Variants in TYRO3 observed in about 807,000 individuals in gnomAD.
TYRO3 encodes the protein tyrosine-protein kinase receptor TYRO3.
A neutral mutation model predicts 95.2 loss-of-function variants in TYRO3; 38 were observed. That is an observed-to-expected ratio of 0.40 (90% confidence interval 0.31 to 0.52). The LOEUF (loss-of-function observed/expected upper bound fraction) is 0.52, where lower values mean the gene tolerates loss of function less well. Among genes scored for constraint, TYRO3 ranks in the 20% least tolerant of loss-of-function variants. The probability of loss-of-function intolerance (pLI) is 0.56; values close to 1 mark genes in which losing one functional copy is unlikely to be tolerated. For synonymous variants in TYRO3, 367 were observed against 432.9 expected (o/e 0.85, Z 1.89); for missense variants, 812 against 1,116.4 (o/e 0.73, Z 3.89).
chr15:41,559,999 C>T (rs1266496183), intron 1 of TYRO3, among the ~76,000 whole-genome samples: 1 of 152,210 alleles, frequency 6.6e-6, no homozygotes, highest in African/African-American at 2.4e-5. Flanking sequence ...CAAGAGCGTT[C>T]CATGCAGCAC....
intron 18 of TYRO3, among the ~76,000 whole-genome samples, chr15:41,575,779 T>C (rs991348802): frequency 2.6e-5 from 4 of 152,152 alleles, no homozygotes; most frequent in African/African-American, 9.7e-5. Context: ...TCCTGAGTGA[T>C]AGGCTTCAGG....
In TYRO3 at chr15:41,573,049, C is replaced by T. The variant is rs376598790; in HGVS notation, c.1923C>T (p.Cys641=). The T allele has an allele frequency of 1.1e-5, 17 of 1,614,164 alleles. No homozygotes were observed. In the East Asian group the frequency reaches 1.3e-4, roughly 13 times the overall value. The change falls in exon 16 of 19, where the codon TGC becomes TGT. Residue 641 remains cysteine (C), a synonymous_variant. Coordinates refer to ENST00000263798, the MANE Select transcript of TYRO3 (RefSeq NM_006293.4). ...TLIRFMVDIA[C]GMEYLSSRNF... ...TCCGGTTCATGGTGGACATTGCCTG[C>T]GGCATGGAGTACCTGAGCTCTCGGA...
At chr15:41,569,506 C>T (rs528774755) in intron 9 of TYRO3, among the ~76,000 whole-genome samples, 1 of 151,846 alleles carries the variant, frequency 6.6e-6, no homozygotes, top group Non-Finnish European at 1.5e-5. Flanking sequence ...AGTGGTGGTT[C>T]ACACCTATAA....
Position 41,559,937 on chromosome 15 carries a change from G to A in TYRO3, c.124+556G>A, listed in dbSNP as rs191434003. On this transcript the variant is annotated intron_variant, in intron 1 of 18. Transcript: ENST00000263798. Reference sequence around the variant, plus strand: ...GGCTGGTGCCAGGTTGCTGGTCTTTGGGAGGGGTTAGTCTTGTGTTCCCAC... The same window carrying A: ...GGCTGGTGCCAGGTTGCTGGTCTTTAGGAGGGGTTAGTCTTGTGTTCCCAC... Among the ~76,000 whole-genome samples, 942 of 152,364 alleles carry A rather than the reference G, an allele frequency of 6.2e-3. 9 individuals are homozygous for A. Among genetic ancestry groups the A allele is most frequent in the Non-Finnish European group, 9.6e-3 (651 of 68,040 alleles).
intron 6 of TYRO3, 93 bp from the exon 7 acceptor site, chr15:41,567,267 A>G (rs898241491): frequency 2.6e-5 from 29 of 1,112,994 alleles, no homozygotes; most frequent in African/African-American, 3.2e-5. Context: ...CTGATAGAGG[A>G]AGCATTCATT....
At chr15:41,577,072 T>G (rs917477611) in intron 18 of TYRO3, among the ~76,000 whole-genome samples, 4 of 152,162 alleles carry the variant, frequency 2.6e-5, no homozygotes, top group African/African-American at 7.2e-5. Flanking sequence ...CGTGTGTGAC[T>G]TTAGTCACGG....
At position 41,562,687 on chromosome 15, in the gene TYRO3, C is replaced by G. The variant is rs56363203; in HGVS notation, c.549C>G (p.Pro183=). ...WWRGTTKIGG[P]APSPSVLNVT... ...GAGGAACTACGAAGATCGGGGGACC[C>G]GCTCCCTCTCCATCTGTTTTAAATG... The change falls in exon 4 of 19, where the codon CCC becomes CCG. Residue 183 remains proline, a synonymous_variant. Coordinates refer to ENST00000263798, the MANE Select transcript of TYRO3 (RefSeq NM_006293.4). 38 of 1,613,684 alleles carry G rather than the reference C, an allele frequency of 2.4e-5. No homozygotes were observed. The highest frequency in any genetic ancestry group is 4.0e-5 in the African/African-American group (3 of 74,918).
At chr15:41,575,296 C>G (rs1334619129) in intron 18 of TYRO3, among the ~76,000 whole-genome samples, 1 of 152,340 alleles carries the variant, frequency 6.6e-6, no homozygotes, top group East Asian at 1.9e-4. Flanking sequence ...CAGGGCATGG[C>G]AAGGGGCAGG....
chr15:41,562,696 T>G lies in TYRO3; in HGVS notation c.558T>G (p.Ser186=). Residue 186 remains serine, a synonymous_variant, in exon 4 of 19, where the codon TCT becomes TCG. Transcript: ENST00000263798. ...CGAAGATCGGGGGACCCGCTCCCTC[T>G]CCATCTGTTTTAAATGTAACAGGTG... ...GTTKIGGPAP[S]PSVLNVTGVT... 2 of 1,613,552 alleles carry G rather than the reference T, an allele frequency of 1.2e-6. No individual in the cohort carries two copies. The highest frequency in any genetic ancestry group is 1.7e-6 in the Non-Finnish European group (2 of 1,179,766).
chr15:41,582,974 C>T lies in TYRO3; in HGVS notation c.*4698C>T, dbSNP rs1347554768. Reference sequence around the variant, plus strand: ...TAGCTGGGACCACAGGCACACGCCACTGCACCTGGCAAATTTTTAAGTGTT... The same window carrying T: ...TAGCTGGGACCACAGGCACACGCCATTGCACCTGGCAAATTTTTAAGTGTT... On this transcript the variant is annotated 3_prime_UTR_variant, in exon 19 of 19. Transcript: ENST00000263798. 9.1e-6 allele frequency: 1 copy of T among 109,744 alleles called. No individual in the cohort carries two copies. The highest frequency in any genetic ancestry group is 1.9e-5 in the Non-Finnish European group (1 of 52,794). 6.8% of individuals were successfully genotyped at this position (109,744 alleles called of 1,614,324 possible). A position where few individuals can be genotyped will look rare whatever the true frequency, so the allele number is the denominator to read the frequency against.
chr15:41,561,641 TGAG>T lies in TYRO3; in HGVS notation c.409+7_409+9del. The T allele has an allele frequency of 6.4e-7, 1 of 1,566,796 alleles. No homozygotes were observed. The highest frequency in any genetic ancestry group is 8.7e-7 in the Non-Finnish European group (1 of 1,155,824). On this transcript the variant is annotated splice_donor_5th_base_variant and intron_variant, in intron 3 of 18. Coordinates refer to ENST00000263798, the MANE Select transcript of TYRO3 (RefSeq NM_006293.4). ...AGCCAGTGTGGCTCACGGTAGAAGG[TGAG>T]GAGGCAGAGCCATATGGGCGTGTTG...
chr15:41,565,022 A>G lies in TYRO3; in HGVS notation c.668-4A>G, dbSNP rs766014533. On this transcript the variant is annotated splice_region_variant and splice_polypyrimidine_tract_variant and intron_variant, in intron 5 of 18. Transcript: ENST00000263798. ...GGGCACTGATTCTGAGTCCCCGTCC[A>G]CAGCACTGCCTGCAGCCCCCTTCAA... 4 of 1,285,328 alleles carry G rather than the reference A, an allele frequency of 3.1e-6. No homozygotes were observed. The highest frequency in any genetic ancestry group is 1.4e-5 in the African/African-American group (1 of 71,186). 79.6% of individuals were successfully genotyped at this position (1,285,328 alleles called of 1,614,324 possible).
At chr15:41,567,239 G>A (rs1366105110) in intron 6 of TYRO3, 121 bp from the exon 7 acceptor site, 13 of 787,996 alleles carry the variant, frequency 1.6e-5, no homozygotes, top group African/African-American at 3.6e-5. Flanking sequence ...ATGGGAGGGC[G>A]TGGGTTGCAA....
chr15:41,561,352 G>A (rs1369382499), intron 2 of TYRO3, 42 bp downstream of exon 2: 2 of 1,595,706 alleles, frequency 1.3e-6, no homozygotes, highest in Non-Finnish European at 8.5e-7. Context: ...CAGCCAGGGG[G>A]CAGGCTATGC....
intron 14 of TYRO3, among the ~76,000 whole-genome samples, chr15:41,572,174 T>A (rs1456384632): frequency 1.3e-5 from 2 of 152,078 alleles, no homozygotes; most frequent in East Asian, 1.9e-4. Flanking sequence ...CCAGCCTAGA[T>A]GACAGAGCAA....
chr15:41,572,821 G>A (rs781035801), intron 15 of TYRO3, among the ~76,000 whole-genome samples, 181 bp from the exon 16 acceptor site: 9 of 152,172 alleles, frequency 5.9e-5, no homozygotes, highest in Non-Finnish European at 1.2e-4. Flanking sequence ...GGGGAGTCTC[G>A]TCTTCCAGGC....
At position 41,579,311 on chromosome 15, in the gene TYRO3, G is replaced by A. The variant is rs1270014477; in HGVS notation, c.*1035G>A. On this transcript the variant is annotated 3_prime_UTR_variant, in exon 19 of 19. Transcript: ENST00000263798. ...AAGCTGTTAGTTGCTGTTTAAAATA[G>A]AAATAAAATTGAAGACTAAAGACCT... 1.3e-5 allele frequency: 2 copies of A among 152,066 alleles called. No individual in the cohort carries two copies. The highest frequency in any genetic ancestry group is 1.9e-4 in the East Asian group (1 of 5,176). The allele number at this position is 152,066 out of a possible 1,614,324, so 9.4% of individuals were successfully genotyped here.
rs2055929435 is a variant in TYRO3, at chr15:41,582,195, C to T, written c.*3919C>T. The T allele has an allele frequency of 6.6e-6, 1 of 151,950 alleles. No homozygotes were observed. Among genetic ancestry groups the T allele is most frequent in the Non-Finnish European group, 1.5e-5 (1 of 68,018 alleles). 9.4% of individuals were successfully genotyped at this position (151,950 alleles called of 1,614,324 possible). On this transcript the variant is annotated 3_prime_UTR_variant, in exon 19 of 19. Coordinates refer to ENST00000263798, the MANE Select transcript of TYRO3 (RefSeq NM_006293.4). ...CATGTTTATAAGGATCATCTAACAA[C>T]AGCAGTTTTGAAAAGTGAGTCTCAA...
intron 7 of TYRO3, 121 bp from the exon 8 acceptor site, chr15:41,568,096 C>G (rs978225623): frequency 2.2e-6 from 3 of 1,362,502 alleles, no homozygotes; most frequent in Non-Finnish European, 3.1e-6. Flanking sequence ...GGAGGTGAAC[C>G]CTTCCCCAGT....
Sources: gnomAD v4.1 joint callset for allele counts (sites outside exome capture counted in the v4.1 genomes callset) on GRCh38, gnomAD v4.1.1 for gene constraint, MANE v1.5 for transcripts, NCBI Gene and HGNC (gene_info 2026-07-23, HGNC 2026-07-21) for gene names.